Variants in SCAPER observed in about 807,000 individuals in gnomAD.
SCAPER encodes the protein S phase cyclin A-associated protein in the endoplasmic reticulum.
A neutral mutation model predicts 182.2 loss-of-function variants in SCAPER; 98 were observed. That is an observed-to-expected ratio of 0.54 (90% CI 0.46 to 0.64). SCAPER has a LOEUF of 0.64. Among genes scored for constraint, SCAPER ranks in the 30% least tolerant of loss-of-function variants. The pLI, the probability that SCAPER is intolerant of heterozygous loss-of-function variation, is 0.00. For missense variants in SCAPER, 1,432 were observed against 1,690.0 expected (o/e 0.85, Z 2.68); for synonymous variants, 605 against 564.6 (o/e 1.07, Z -1.01).
At chr15:76,543,258 G>C (rs754472689) in intron 23 of SCAPER, among the ~76,000 whole-genome samples, 1 of 152,140 alleles carries the variant, frequency 6.6e-6, no homozygotes, top group Admixed American at 6.5e-5. Flanking sequence ...ATCCTAATAT[G>C]TATGCTTATT....
chr15:76,702,202 C>A (rs1685362704), intron 19 of SCAPER, among the ~76,000 whole-genome samples: 1 of 151,832 alleles, frequency 6.6e-6, no homozygotes. Context: ...TTACAGCCAG[C>A]CTAAGAGGAA....
chr15:76,560,689 A>C (rs954404459), intron 23 of SCAPER, among the ~76,000 whole-genome samples: 3 of 152,212 alleles, frequency 2.0e-5, no homozygotes, highest in Non-Finnish European at 2.9e-5. Context: ...GGAATAGAAA[A>C]TAAGCTAAAT....
At chr15:76,378,626 T>C (rs1288058835) in intron 28 of SCAPER, among the ~76,000 whole-genome samples, 3 of 152,176 alleles carry the variant, frequency 2.0e-5, no homozygotes, top group Non-Finnish European at 4.4e-5. Context: ...GTGAAGCCTA[T>C]GTTTCCCTTC....
At chr15:76,351,186 ATGTCCATT>A in intron 31 of SCAPER, 43 bp downstream of exon 31, 2 of 1,507,274 alleles carry the variant, frequency 1.3e-6, no homozygotes, top group Non-Finnish European at 1.8e-6. Flanking sequence ...GATAAGAAAG[ATGTCCATT>A]TGGCTAACAA....
chr15:76,889,943 T>C (rs1423412819), intron 1 of SCAPER, among the ~76,000 whole-genome samples: 1 of 152,054 alleles, frequency 6.6e-6, no homozygotes, highest in East Asian at 1.9e-4. Flanking sequence ...TCAGCAAATG[T>C]AAAAGAAAAG....
intron 2 of SCAPER, among the ~76,000 whole-genome samples, chr15:76,865,810 C>A (rs762291709): frequency 6.6e-6 from 1 of 152,134 alleles, no homozygotes; most frequent in African/African-American, 2.4e-5. Context: ...TCACTTTTTA[C>A]GTCTTTAATG....
intron 16 of SCAPER, among the ~76,000 whole-genome samples, chr15:76,730,758 G>A (rs280033): frequency 0.15 from 23,353 of 152,026 alleles, 2,019 homozygotes; most frequent in African/African-American, 0.24. Context: ...CTTGAGGAAT[G>A]TAATTTTTTA....
In SCAPER at chr15:76,679,071, C is replaced by T. The variant is rs989401265; in HGVS notation, c.2509-13282G>A. Among the ~76,000 whole-genome samples the T allele has an allele frequency of 1.4e-4, 21 of 152,210 alleles. 1 individual carries two copies. The highest frequency in any genetic ancestry group is 4.3e-4 in the African/African-American group (18 of 41,536). ...ACTCTTTAAAGCTGATTTGTAATTA[C>T]GAATGTCTTGGATGGCATTAGGCAT... On this transcript the variant is annotated intron_variant, in intron 20 of 31. Transcript: ENST00000563290.
intron 17 of SCAPER, among the ~76,000 whole-genome samples, chr15:76,710,374 T>C (rs2059496094): frequency 6.6e-6 from 1 of 152,128 alleles, no homozygotes; most frequent in Non-Finnish European, 1.5e-5. Flanking sequence ...ATGATGAGTT[T>C]ATAAGGACTT....
chr15:76,528,048 T>G (rs1370171397), intron 23 of SCAPER, among the ~76,000 whole-genome samples: 1 of 152,134 alleles, frequency 6.6e-6, no homozygotes, highest in Non-Finnish European at 1.5e-5. Context: ...GTCAACAAAC[T>G]TTTTCTTAAA....
intron 26 of SCAPER, among the ~76,000 whole-genome samples, chr15:76,408,563 T>C (rs890798565): frequency 2.0e-5 from 3 of 152,032 alleles, no homozygotes; most frequent in African/African-American, 4.8e-5. Context: ...TTGATATACA[T>C]AGCCACGTTA....
chr15:76,585,241 A>G (rs1159723213), intron 22 of SCAPER, among the ~76,000 whole-genome samples: 1 of 152,146 alleles, frequency 6.6e-6, no homozygotes. Context: ...ACCACACACT[A>G]AAGTAGACAT....
intron 26 of SCAPER, among the ~76,000 whole-genome samples, chr15:76,423,398 T>C (rs2046190799): frequency 6.6e-6 from 1 of 152,254 alleles, no homozygotes; most frequent in South Asian, 2.1e-4. Flanking sequence ...TTTTCTAGTT[T>C]ATTTGCATAG....
chr15:76,368,709 T>A (rs2041963931), intron 29 of SCAPER, among the ~76,000 whole-genome samples: 1 of 152,224 alleles, frequency 6.6e-6, no homozygotes, highest in Non-Finnish European at 1.5e-5. Context: ...AAACTCCAAC[T>A]CTGATAGCTG....
At chr15:76,408,220 T>C (rs2045012193) in intron 26 of SCAPER, among the ~76,000 whole-genome samples, 1 of 152,238 alleles carries the variant, frequency 6.6e-6, no homozygotes, top group African/African-American at 2.4e-5. Context: ...TATGTATTTG[T>C]TGATGAAACC....
At chr15:76,577,684 C>A (rs138930189) in intron 22 of SCAPER, among the ~76,000 whole-genome samples, 1 of 152,004 alleles carries the variant, frequency 6.6e-6, no homozygotes, top group African/African-American at 2.4e-5. Flanking sequence ...TGGGCCCTCA[C>A]GAGTTAGCAG....
intron 2 of SCAPER, among the ~76,000 whole-genome samples, chr15:76,870,701 T>C (rs1259393530): frequency 1.3e-5 from 2 of 150,874 alleles, no homozygotes. Context: ...ATAAAAAAAA[T>C]AGAAAAGAGC....
intron 17 of SCAPER, among the ~76,000 whole-genome samples, chr15:76,722,283 G>C (rs2060293306): frequency 6.6e-6 from 1 of 152,180 alleles, no homozygotes; most frequent in Non-Finnish European, 1.5e-5. Flanking sequence ...AAGCCCACTT[G>C]ATCATGGTGG....
At chr15:76,638,698 A>G (rs1320041577) in intron 21 of SCAPER, among the ~76,000 whole-genome samples, 2 of 152,232 alleles carry the variant, frequency 1.3e-5, no homozygotes, top group Non-Finnish European at 2.9e-5. Context: ...CAATAAATAC[A>G]AAATGAGATT....
Sources: gnomAD v4.1 joint callset for allele counts (sites outside exome capture counted in the v4.1 genomes callset) on GRCh38, gnomAD v4.1.1 for gene constraint, MANE v1.5 for transcripts, NCBI Gene and HGNC (gene_info 2026-07-23, HGNC 2026-07-21) for gene names.